TRPM1: variants seen among roughly 807,000 people sequenced by gnomAD.
TRPM1 encodes transient receptor potential cation channel subfamily M member 1, also known as TRPM1-203 APA Isoform, Intron 10.
TRPM1 carries 113 observed loss-of-function variants against 149.4 expected under a neutral mutation model. That is an observed-to-expected ratio of 0.76 (90% confidence interval 0.65 to 0.88). The LOEUF (loss-of-function observed/expected upper bound fraction) is 0.88, where lower values mean the gene tolerates loss of function less well. Among genes scored for constraint, TRPM1 ranks in the 40% least tolerant of loss-of-function variants. The pLI, the probability that TRPM1 is intolerant of heterozygous loss-of-function variation, is 0.00. For synonymous variants in TRPM1, 741 were observed against 759.5 expected, an observed-to-expected ratio of 0.98 and a Z score of 0.40; for missense variants, 1,976 against 2,038.7, an observed-to-expected ratio of 0.97 and a Z score of 0.59.
rs773317800 is a variant in TRPM1, at chr15:31,047,145, C to T, written c.1730G>A (p.Arg577Gln). The change falls in exon 15 of 28, where the codon CGG becomes CAG. Residue 577 changes from arginine (R) to glutamine (Q), a missense_variant. Transcript: ENST00000256552. ...YRCNYTRKNF[R>Q]TLYNNLFGPK... ...TCCAAACAAGTTGTTGTAAAGGGTCCGAAAGTTTTTCCGAGTGTAGTTGCA... is the reference window on the plus strand; with the variant it reads ...TCCAAACAAGTTGTTGTAAAGGGTCTGAAAGTTTTTCCGAGTGTAGTTGCA... 2.0e-5 allele frequency: 32 copies of T among 1,614,038 alleles called. No individual in the cohort carries two copies. The highest frequency in any genetic ancestry group is 1.6e-4 in the Middle Eastern group (1 of 6,084).
chr15:31,121,032 G>T (rs984975090), intron 1 of TRPM1, among the ~76,000 whole-genome samples: 2 of 151,946 alleles, frequency 1.3e-5, no homozygotes, highest in South Asian at 2.1e-4. Flanking sequence ...TTCAAGACCA[G>T]CCTGGCCAAG....
intron 16 of TRPM1, among the ~76,000 whole-genome samples, chr15:31,044,622 A>G (rs1259170978): frequency 6.6e-6 from 1 of 152,042 alleles, no homozygotes; most frequent in African/African-American, 2.4e-5. Context: ...CTCTACTAAA[A>G]ATGCAAAAAT....
At chr15:31,006,366 C>T (rs907981238) in intron 27 of TRPM1, among the ~76,000 whole-genome samples, 3 of 152,044 alleles carry the variant, frequency 2.0e-5, no homozygotes, top group Non-Finnish European at 2.9e-5. Flanking sequence ...TTAGTAGAGA[C>T]GGGGTTTTGC....
intron 1 of TRPM1, among the ~76,000 whole-genome samples, chr15:31,095,205 G>A (rs2035345296): frequency 6.6e-6 from 1 of 152,198 alleles, no homozygotes; most frequent in Non-Finnish European, 1.5e-5. Flanking sequence ...GTTTCCAGGG[G>A]CAAGGCCACA....
chr15:31,082,744 C>T (rs1277439218), intron 1 of TRPM1, among the ~76,000 whole-genome samples: 1 of 152,114 alleles, frequency 6.6e-6, no homozygotes, highest in Non-Finnish European at 1.5e-5. Flanking sequence ...CCAAGGAAAC[C>T]TTTGTACCAT....
At chr15:31,136,107 G>A (rs992085340) in intron 1 of TRPM1, among the ~76,000 whole-genome samples, 14 of 152,228 alleles carry the variant, frequency 9.2e-5, no homozygotes, top group African/African-American at 3.1e-4. Context: ...CGAGGAAGGC[G>A]TGGCCATGGT....
In TRPM1 at chr15:31,070,066, C is replaced by T; in HGVS notation, c.244G>A (p.Glu82Lys). ...TTGGAATATCCGCCACCCTGGAATT[C>T]AAGAACTCCATAGGAATCTGTTGGG... ...SYPTDSYGVL[E>K]FQGGGYSNKA... The change falls in exon 4 of 28, where the codon GAA (glutamate) becomes AAA (lysine). Residue 82 changes from glutamate to lysine, a missense_variant. Glu to Lys is a moderately conservative substitution (Grantham distance 56). Around this residue, in one of 3 missense-constraint regions of TRPM1, gnomAD observed 1,332 missense variants for 1,347.1 expected, o/e 0.99. Coordinates refer to ENST00000256552, the MANE Select transcript of TRPM1 (RefSeq NM_001252024.2). The T allele has an allele frequency of 6.2e-7, 1 of 1,614,194 alleles. No individual in the cohort carries two copies. The highest frequency in any genetic ancestry group is 1.1e-5 in the South Asian group (1 of 91,088).
At chr15:31,105,281 T>G (rs906425088), upstream of TRPM1, among the ~76,000 whole-genome samples, 13 of 152,330 alleles carry the variant, frequency 8.5e-5, no homozygotes, top group South Asian at 2.1e-4. Flanking sequence ...TGGGATCATC[T>G]TGTACATTTC....
chr15:31,031,179 C>G, intron 22 of TRPM1, 22 bp from the exon 23 acceptor site: 1 of 1,614,140 alleles, frequency 6.2e-7, no homozygotes, highest in Non-Finnish European at 8.5e-7. Flanking sequence ...GAACATTTGT[C>G]TCTCACTGTC....
At chr15:31,017,680 T>G (rs1246787357) in intron 27 of TRPM1, among the ~76,000 whole-genome samples, 5 of 152,238 alleles carry the variant, frequency 3.3e-5, no homozygotes, top group African/African-American at 9.6e-5. Flanking sequence ...TTCTCTATAT[T>G]GGGGTATATC....
chr15:31,031,622 T>A (rs554821475), intron 22 of TRPM1, among the ~76,000 whole-genome samples: 4 of 152,336 alleles, frequency 2.6e-5, no homozygotes, highest in African/African-American at 9.6e-5. Flanking sequence ...GATACTAAAC[T>A]GGTATAATTC....
chr15:31,140,959 T>C (rs561321008), intron 1 of TRPM1, among the ~76,000 whole-genome samples: 4 of 151,932 alleles, frequency 2.6e-5, no homozygotes, highest in Non-Finnish European at 5.9e-5. Context: ...GTAGCTTGGA[T>C]AACAGGTGCG....
At chr15:31,118,293 T>C (rs796907881) in intron 1 of TRPM1, among the ~76,000 whole-genome samples, 14 of 151,926 alleles carry the variant, frequency 9.2e-5, no homozygotes, top group African/African-American at 3.4e-4. Flanking sequence ...AATAAAAAGC[T>C]GTATCGTACA....
At chr15:31,046,283 T>C (rs368643954) in intron 15 of TRPM1, 50 bp from the exon 16 acceptor site, 10 of 1,564,750 alleles carry the variant, frequency 6.4e-6, no homozygotes, top group African/African-American at 2.7e-5. Context: ...AGATAACTAA[T>C]GTTAGTAGTA....
intron 7 of TRPM1, among the ~76,000 whole-genome samples, chr15:31,064,408 C>T (rs993404954): frequency 6.6e-6 from 1 of 152,074 alleles, no homozygotes; most frequent in Non-Finnish European, 1.5e-5. Context: ...GGTGGCAGAA[C>T]CTGCAGGCAT....
At chr15:31,095,061 A>G (rs4353452) in intron 1 of TRPM1, among the ~76,000 whole-genome samples, 4,369 of 152,376 alleles carry the variant, frequency 0.029, 212 homozygotes, top group African/African-American at 0.099. Context: ...GTTCTGAAGC[A>G]TGCCACATGG....
intron 18 of TRPM1, 97 bp from the exon 19 acceptor site, chr15:31,038,263 A>G (rs2033492533): frequency 3.6e-6 from 5 of 1,369,902 alleles, no homozygotes; most frequent in Non-Finnish European, 4.1e-6. Flanking sequence ...ACATTATTCA[A>G]TAACCTAGGA....
chr15:31,119,133 C>T (rs1047220911), intron 1 of TRPM1, among the ~76,000 whole-genome samples: 3 of 151,854 alleles, frequency 2.0e-5, no homozygotes, highest in South Asian at 2.1e-4. Flanking sequence ...CCCAGCTACT[C>T]GGGAGGCTGA....
At chr15:31,132,104 G>A (rs1473613578) in intron 1 of TRPM1, among the ~76,000 whole-genome samples, 3 of 152,186 alleles carry the variant, frequency 2.0e-5, no homozygotes, top group African/African-American at 2.4e-5. Context: ...GCCATTACGC[G>A]GATTACCCCT....
Sources: allele counts gnomAD v4.1 joint callset (sites outside exome capture counted in the v4.1 genomes callset), GRCh38; gene constraint gnomAD v4.1.1; regional missense constraint gnomAD v4.1.1; transcripts MANE v1.5; gene names NCBI Gene and HGNC (gene_info 2026-07-23, HGNC 2026-07-21).